HDGFL3: variants seen among roughly 807,000 people sequenced by gnomAD.
HDGFL3 encodes HDGF like 3.
HDGFL3 carries 6 observed loss-of-function variants against 27.6 expected under a neutral mutation model. That is an observed-to-expected ratio of 0.22 (90% CI 0.12 to 0.43). The LOEUF is 0.43. Among genes scored for constraint, HDGFL3 ranks in the 20% least tolerant of loss-of-function variants. HDGFL3 has a pLI of 1.00. For missense variants in HDGFL3, 207 were observed against 250.1 expected (o/e 0.83, Z 1.16); for synonymous variants, 88 against 88.9 (o/e 0.99, Z 0.05).
At chr15:83,154,808 T>G (rs2037008791) in intron 4 of HDGFL3, among the ~76,000 whole-genome samples, 1 of 152,230 alleles carries the variant, frequency 6.6e-6, no homozygotes, top group Non-Finnish European at 1.5e-5. Flanking sequence ...CTAAAACATG[T>G]AACAGTTTGA....
intron 1 of HDGFL3, among the ~76,000 whole-genome samples, chr15:83,202,125 T>C (rs2037654253): frequency 6.6e-6 from 1 of 152,104 alleles, no homozygotes; most frequent in Non-Finnish European, 1.5e-5. Flanking sequence ...AAAAGGAAGA[T>C]TCCCAACAAA....
chr15:83,159,903 A>G (rs2151403424), intron 2 of HDGFL3, among the ~76,000 whole-genome samples: 1 of 152,318 alleles, frequency 6.6e-6, no homozygotes, highest in Non-Finnish European at 1.5e-5. Flanking sequence ...GTGAGATGGG[A>G]AGCCATTAAA....
chr15:83,205,652 T>A (rs904422226), intron 1 of HDGFL3, among the ~76,000 whole-genome samples: 52 of 152,224 alleles, frequency 3.4e-4, no homozygotes, highest in Non-Finnish European at 7.2e-4. Context: ...GCCATTATGG[T>A]ACTAGGAAAT....
At chr15:83,124,565 T>G (rs1247096779), downstream of HDGFL3, 1 of 804,186 alleles carries the variant, frequency 1.2e-6, no homozygotes, top group African/African-American at 1.7e-5. Flanking sequence ...ATATAAATTG[T>G]GCATCTTCAA....
In HDGFL3 at chr15:83,129,636, C is replaced by T. The variant is rs181392360; in HGVS notation, c.*9634G>A. On this transcript the variant is annotated 3_prime_UTR_variant, in exon 6 of 6. Coordinates refer to ENST00000299633, the MANE Select transcript of HDGFL3 (RefSeq NM_016073.4). Reference sequence around the variant, plus strand: ...CATATTCTTCTCCATTGTGTTATCTCACCCACCCCATGCAAACAATGAACT... The same window carrying T: ...CATATTCTTCTCCATTGTGTTATCTTACCCACCCCATGCAAACAATGAACT... The T allele has an allele frequency of 6.6e-6, 1 of 152,366 alleles. No individual in the cohort carries two copies. The highest frequency in any genetic ancestry group is 1.9e-4 in the East Asian group (1 of 5,182). The allele number at this position is 152,366 out of a possible 1,614,324, so 9.4% of individuals were successfully genotyped here.
At chr15:83,160,757 G>C (rs944344791) in intron 2 of HDGFL3, among the ~76,000 whole-genome samples, 5 of 152,114 alleles carry the variant, frequency 3.3e-5, no homozygotes, top group African/African-American at 1.2e-4. Context: ...GTTTACTATT[G>C]ATCTCTGTAA....
intron 5 of HDGFL3, among the ~76,000 whole-genome samples, chr15:83,150,549 A>C (rs547871305): frequency 1.3e-5 from 2 of 152,342 alleles, no homozygotes; most frequent in African/African-American, 4.8e-5. Flanking sequence ...TGCTGAAACC[A>C]GATAAATTTC....
chr15:83,174,874 G>A (rs2037290108), intron 1 of HDGFL3, among the ~76,000 whole-genome samples: 1 of 152,184 alleles, frequency 6.6e-6, no homozygotes, highest in African/African-American at 2.4e-5. Context: ...TGCAGAGGTT[G>A]CAAATTGGTG....
intron 1 of HDGFL3, among the ~76,000 whole-genome samples, chr15:83,167,741 C>T (rs577895060): frequency 8.5e-5 from 13 of 152,208 alleles, no homozygotes; most frequent in African/African-American, 3.1e-4. Context: ...ACTTCAACAT[C>T]CCACTGACAG....
In HDGFL3 at chr15:83,165,794, C is replaced by CAA. The variant is rs57873221; in HGVS notation, c.85-1721_85-1720dup. ...TGGATGACAGAGCAAGAATCCATCTCAAAAAAAAAAAAAAAAAAAAAAAAA... is the reference window on the plus strand; with the variant it reads ...TGGATGACAGAGCAAGAATCCATCTCAAAAAAAAAAAAAAAAAAAAAAAAAAA... On this transcript the variant is annotated intron_variant, in intron 1 of 5. Transcript: ENST00000299633. Among the ~76,000 whole-genome samples the CAA allele has an allele frequency of 3.7e-3, 51 of 13,834 alleles. 5 individuals carry two copies. The highest frequency in any genetic ancestry group is 0.014 in the South Asian group (5 of 346). 9.1% of individuals were successfully genotyped at this position (13,834 alleles called of 152,430 possible).
downstream of HDGFL3, chr15:83,126,778 G>A (rs1170481635): frequency 1.5e-5 from 25 of 1,613,460 alleles, no homozygotes; most frequent in Non-Finnish European, 1.9e-5. Flanking sequence ...GCCCATCTGA[G>A]CTCTGCCGAT....
intron 1 of HDGFL3, among the ~76,000 whole-genome samples, chr15:83,187,967 G>C (rs1402021950): frequency 6.6e-6 from 1 of 151,588 alleles, no homozygotes; most frequent in East Asian, 1.9e-4. Context: ...ACATGGGATA[G>C]ACTTTGAGGA....
chr15:83,121,983 T>G, intron 3 of HDGFL3: 1 of 1,611,734 alleles, frequency 6.2e-7, no homozygotes, highest in East Asian at 2.2e-5. Context: ...GTTGTTGTTT[T>G]TGTGCCAGGA....
intron 4 of HDGFL3, among the ~76,000 whole-genome samples, chr15:83,153,454 G>A (rs922197456): frequency 6.6e-6 from 1 of 152,092 alleles, no homozygotes; most frequent in African/African-American, 2.4e-5. Flanking sequence ...TAGAATTAGG[G>A]CATTACTAGT....
At chr15:83,186,522 T>C (rs965120521) in intron 1 of HDGFL3, among the ~76,000 whole-genome samples, 15 of 152,224 alleles carry the variant, frequency 9.9e-5, no homozygotes, top group African/African-American at 3.4e-4. Flanking sequence ...GAGCACAAAA[T>C]AGTAATCCGG....
Position 83,134,380 on chromosome 15 carries a change from C to T in HDGFL3, c.*4890G>A, listed in dbSNP as rs2036474054. 1 of 151,406 alleles carries T rather than the reference C, an allele frequency of 6.6e-6. No individual in the cohort carries two copies. Among genetic ancestry groups the T allele is most frequent in the African/African-American group, 2.5e-5 (1 of 40,686 alleles). 9.4% of individuals were successfully genotyped at this position (151,406 alleles called of 1,614,324 possible). A position where few individuals can be genotyped will look rare whatever the true frequency, so the allele number is the denominator to read the frequency against. ...AGATTACAGGCGTCTGCCACCACGC[C>T]CGGCTAATTTTTTGTATTTTTTAGT... On this transcript the variant is annotated 3_prime_UTR_variant, in exon 6 of 6. Coordinates refer to ENST00000299633, the MANE Select transcript of HDGFL3 (RefSeq NM_016073.4).
chr15:83,192,559 C>T (rs1216708448), intron 1 of HDGFL3, among the ~76,000 whole-genome samples: 1 of 152,106 alleles, frequency 6.6e-6, no homozygotes, highest in Non-Finnish European at 1.5e-5. Flanking sequence ...TCCATAAGTA[C>T]AGGTTAAGAC....
downstream of HDGFL3, chr15:83,124,867 A>G (rs2035590272): frequency 1.7e-6 from 2 of 1,180,652 alleles, no homozygotes; most frequent in Admixed American, 1.9e-5. Flanking sequence ...TTGTTTTTCC[A>G]TCAGACTTCT....
chr15:83,183,829 A>G lies in HDGFL3; in HGVS notation c.85-19754T>C, dbSNP rs186101380. Among the ~76,000 whole-genome samples the G allele has an allele frequency of 9.9e-5, 15 of 152,236 alleles. No homozygotes were observed. The East Asian group carries it at 2.9e-3, about 29-fold the overall frequency. On this transcript the variant is annotated intron_variant, in intron 1 of 5. Coordinates refer to ENST00000299633, the MANE Select transcript of HDGFL3 (RefSeq NM_016073.4). ...GAGTTTGGTAAGGGTTTCCAGTTCT[A>G]AACCTGGTTTAAATTTCTAGGAACC...
Sources: allele counts gnomAD v4.1 joint callset (sites outside exome capture counted in the v4.1 genomes callset), GRCh38; gene constraint gnomAD v4.1.1; transcripts MANE v1.5; gene names NCBI Gene and HGNC (gene_info 2026-07-23, HGNC 2026-07-21).